The following CDH13 variants were observed in gnomAD, a reference collection of about 807,000 sequenced individuals.
CDH13 encodes cadherin-13.
A neutral mutation model predicts 63.8 loss-of-function variants in CDH13; 24 were observed. The observed-to-expected ratio is 0.38, with a 90% CI of 0.27 to 0.53. The LOEUF is 0.53. CDH13 is among the 20% of genes least tolerant of loss of function. The pLI, the probability that CDH13 is intolerant of heterozygous loss-of-function variation, is 0.85. For missense variants in CDH13, 1,049 were observed against 903.1 expected (o/e 1.16, Z -2.07); for synonymous variants, 503 against 355.3 (o/e 1.42, Z -4.67).
intron 6 of CDH13, among the ~76,000 whole-genome samples, chr16:83,458,428 C>G (rs1214789567): frequency 6.6e-6 from 1 of 152,148 alleles, no homozygotes; most frequent in Non-Finnish European, 1.5e-5. Flanking sequence ...GTGTGTAGTC[C>G]TCTTATATTT....
intron 1 of CDH13, among the ~76,000 whole-genome samples, chr16:82,774,511 G>A (rs1202021601): frequency 6.6e-6 from 1 of 152,112 alleles, no homozygotes; most frequent in Non-Finnish European, 1.5e-5. Flanking sequence ...TTCTTTAGGA[G>A]GTTTCAATCT....
At position 83,780,186 on chromosome 16, in the gene CDH13, A is replaced by T. The variant is rs1915422591; in HGVS notation, c.1900A>T (p.Ile634Phe). 5.0e-6 allele frequency: 8 copies of T among 1,596,684 alleles called. No individual in the cohort carries two copies. Among genetic ancestry groups the T allele is most frequent in the Non-Finnish European group, 6.8e-6 (8 of 1,169,734 alleles). The change falls in exon 12 of 14, where the codon ATC (isoleucine) becomes TTC (phenylalanine). Residue 634 changes from isoleucine to phenylalanine, a missense_variant. Transcript: ENST00000567109. The part of the protein sequence containing the change: ...KQAVPDKVWK[I>F]SKINNTHALV... ...AGCTGTTCCTGATAAAGTCTGGAAG[A>T]TCTCCAAGATCAACAGTAAGTCTGG... is the stretch of plus-strand genomic sequence containing the variant.
chr16:82,968,589 C>T (rs1019307684), intron 2 of CDH13, among the ~76,000 whole-genome samples: 2 of 152,066 alleles, frequency 1.3e-5, no homozygotes, highest in Admixed American at 6.5e-5. Flanking sequence ...AGTGTAATTC[C>T]CTCCACTATC....
At chr16:83,211,830 T>C (rs189570878) in intron 4 of CDH13, among the ~76,000 whole-genome samples, 8 of 152,184 alleles carry the variant, frequency 5.3e-5, no homozygotes, top group African/African-American at 1.9e-4. Context: ...GCTATTTACA[T>C]GCCCTTCCAG....
chr16:83,175,915 G>A lies in CDH13; in HGVS notation c.484-41430G>A, dbSNP rs191434538. Reference sequence around the variant, plus strand: ...GCGATCTCGGCTCACCGCAACCTCCGCTTCCCAGGTTCAAGCGATTCTCCT... The same window carrying A: ...GCGATCTCGGCTCACCGCAACCTCCACTTCCCAGGTTCAAGCGATTCTCCT... On this transcript the variant is annotated intron_variant, in intron 4 of 13. Transcript: ENST00000567109. 1.7e-4 allele frequency among the ~76,000 whole-genome samples: 22 copies of A among 132,900 alleles called. No homozygotes were observed. The East Asian group carries it at 5.1e-3, about 31-fold the overall frequency. The allele number at this position is 132,900 out of a possible 152,430, so 87.2% of individuals were successfully genotyped here. A position where few individuals can be genotyped will look rare whatever the true frequency, so the allele number is the denominator to read the frequency against.
At chr16:82,989,042 T>G (rs376176521) in intron 2 of CDH13, among the ~76,000 whole-genome samples, 64 of 152,304 alleles carry the variant, frequency 4.2e-4, no homozygotes, top group African/African-American at 1.4e-3. Flanking sequence ...AGTGAACTAC[T>G]AAGTTAATTT....
At chr16:83,169,066 C>G (rs1044211775) in intron 4 of CDH13, among the ~76,000 whole-genome samples, 4 of 152,092 alleles carry the variant, frequency 2.6e-5, no homozygotes, top group African/African-American at 7.2e-5. Context: ...ATTCCTTTGA[C>G]AATTAAAACA....
chr16:83,468,022 G>C (rs188281552), intron 6 of CDH13, among the ~76,000 whole-genome samples: 2 of 152,320 alleles, frequency 1.3e-5, no homozygotes, highest in African/African-American at 4.8e-5. Context: ...GTTCACAGGT[G>C]TATCAGCTGA....
intron 1 of CDH13, among the ~76,000 whole-genome samples, chr16:82,658,321 T>G (rs1331648133): frequency 6.6e-6 from 1 of 152,238 alleles, no homozygotes; most frequent in African/African-American, 2.4e-5. Flanking sequence ...GCACAGTTAC[T>G]GCTGGTTCCC....
chr16:83,288,038 T>C (rs2089366369), intron 5 of CDH13, among the ~76,000 whole-genome samples: 1 of 152,252 alleles, frequency 6.6e-6, no homozygotes, highest in Non-Finnish European at 1.5e-5. Context: ...ACAGCTTATG[T>C]TGGCACTGTG....
intron 1 of CDH13, among the ~76,000 whole-genome samples, chr16:82,667,721 A>C (rs979160212): frequency 6.6e-6 from 1 of 151,986 alleles, no homozygotes; most frequent in African/African-American, 2.4e-5. Flanking sequence ...TTGAAAGCGC[A>C]GTCACTATGG....
chr16:83,490,127 C>T (rs1292350031), intron 7 of CDH13, among the ~76,000 whole-genome samples: 1 of 152,064 alleles, frequency 6.6e-6, no homozygotes, highest in Non-Finnish European at 1.5e-5. Context: ...GGAGTGGATA[C>T]TCTGGAATCC....
At chr16:83,371,030 C>T (rs954041973) in intron 6 of CDH13, among the ~76,000 whole-genome samples, 4 of 152,084 alleles carry the variant, frequency 2.6e-5, no homozygotes, top group Admixed American at 6.6e-5. Flanking sequence ...AAAGTCAAAA[C>T]GAAACAGGTG....
intron 2 of CDH13, among the ~76,000 whole-genome samples, chr16:82,868,866 A>C (rs1336741002): frequency 1.3e-5 from 2 of 152,220 alleles, no homozygotes; most frequent in Admixed American, 1.3e-4. Flanking sequence ...CCTGGGTTCA[A>C]ATCTAAGGCC....
intron 5 of CDH13, among the ~76,000 whole-genome samples, chr16:83,234,303 C>T (rs56057661): frequency 0.014 from 2,068 of 152,262 alleles, 46 homozygotes; most frequent in African/African-American, 0.047. Flanking sequence ...ACAAAACAGC[C>T]GGCCACTTGA....
intron 7 of CDH13, among the ~76,000 whole-genome samples, chr16:83,505,214 G>A (rs1259779060): frequency 6.6e-6 from 1 of 152,178 alleles, no homozygotes; most frequent in African/African-American, 2.4e-5. Context: ...CCCTCCCATT[G>A]TACCCAGAAG....
At chr16:83,555,206 G>A (rs1054074945) in intron 7 of CDH13, among the ~76,000 whole-genome samples, 3 of 152,174 alleles carry the variant, frequency 2.0e-5, no homozygotes, top group East Asian at 3.9e-4. Context: ...GATATACAAT[G>A]TTTATGGAGA....
intron 5 of CDH13, among the ~76,000 whole-genome samples, chr16:83,224,722 C>T (rs559435684): frequency 1.3e-5 from 2 of 152,328 alleles, no homozygotes; most frequent in South Asian, 4.1e-4. Flanking sequence ...AATACTCTGA[C>T]ACCTTTAGCC....
intron 7 of CDH13, among the ~76,000 whole-genome samples, chr16:83,541,415 C>T (rs148332807): frequency 6.6e-6 from 1 of 152,208 alleles, no homozygotes; most frequent in Non-Finnish European, 1.5e-5. Context: ...GCCTGACCAA[C>T]CTTACTCATC....
Sources: allele counts gnomAD v4.1 joint callset (sites outside exome capture counted in the v4.1 genomes callset), GRCh38; gene constraint gnomAD v4.1.1; transcripts MANE v1.5; gene names NCBI Gene and HGNC (gene_info 2026-07-23, HGNC 2026-07-21).